Variants in FOXP4 observed in about 807,000 individuals in gnomAD.
The protein encoded by FOXP4 is forkhead box P4, also known as forkhead box protein P4.
A neutral mutation model predicts 82.6 loss-of-function variants in FOXP4; 25 were observed. The ratio of observed to expected loss-of-function variants is 0.30; its 90% CI spans 0.22 to 0.42. The LOEUF is 0.42. Among genes scored for constraint, FOXP4 ranks in the 10% least tolerant of loss-of-function variants. The pLI is 1.00. For missense variants in FOXP4, 785 were observed against 900.9 expected (o/e 0.87, Z 1.65); for synonymous variants, 415 against 388.2 (o/e 1.07, Z -0.81).
In FOXP4 at chr6:41,557,636, C is replaced by T. The variant is rs372036502; in HGVS notation, c.-16-8109C>T. ...ATAGTAAGTGGTGAGTGGAAAAAGACGAAAATTGAAACCATGTATAGATTA... is the reference window on the plus strand; with the variant it reads ...ATAGTAAGTGGTGAGTGGAAAAAGATGAAAATTGAAACCATGTATAGATTA... On this transcript the variant is annotated intron_variant, in intron 1 of 16. Transcript: ENST00000307972. Among the ~76,000 whole-genome samples the T allele has an allele frequency of 6.6e-5, 10 of 152,128 alleles. No homozygotes were observed. The South Asian group carries it at 1.2e-3, about 19-fold the overall frequency.
chr6:41,598,774 A>G lies in FOXP4; in HGVS notation c.1896-15A>G. 1 of 1,553,006 alleles carries G rather than the reference A, an allele frequency of 6.4e-7. No homozygotes were observed. The highest frequency in any genetic ancestry group is 8.7e-7 in the Non-Finnish European group (1 of 1,148,590). On this transcript the variant is annotated splice_polypyrimidine_tract_variant and intron_variant, in intron 16 of 16. Coordinates refer to ENST00000307972, the MANE Select transcript of FOXP4 (RefSeq NM_001012426.2). ...AGGACAGCCGCCTGGTGCCCATGCC[A>G]TACTTTTGCCTCAGCCACCAGGTGC...
chr6:41,564,358 G>A (rs1197880720), intron 1 of FOXP4, among the ~76,000 whole-genome samples: 1 of 152,236 alleles, frequency 6.6e-6, no homozygotes, highest in Non-Finnish European at 1.5e-5. Flanking sequence ...GACGGAGGTT[G>A]CAGGGAGCCG....
At chr6:41,576,565 C>G (rs986646141) in intron 2 of FOXP4, among the ~76,000 whole-genome samples, 1 of 152,082 alleles carries the variant, frequency 6.6e-6, no homozygotes, top group Admixed American at 6.6e-5. Flanking sequence ...CAGGCGGGCG[C>G]ATTTCGTCTA....
chr6:41,576,856 G>A (rs1171797363), intron 2 of FOXP4, among the ~76,000 whole-genome samples: 1 of 152,178 alleles, frequency 6.6e-6, no homozygotes, highest in Non-Finnish European at 1.5e-5. Flanking sequence ...TAAGGTTGGA[G>A]CCCTGTGTCA....
At chr6:41,582,992 G>C (rs771131729) in intron 3 of FOXP4, among the ~76,000 whole-genome samples, 2 of 152,114 alleles carry the variant, frequency 1.3e-5, no homozygotes, top group Non-Finnish European at 2.9e-5. Flanking sequence ...GACTTTCCTG[G>C]TCTCCTCATT....
chr6:41,555,673 G>A (rs922844891), intron 1 of FOXP4, among the ~76,000 whole-genome samples: 5 of 152,182 alleles, frequency 3.3e-5, no homozygotes, highest in African/African-American at 4.8e-5. Context: ...TTAATTAGCC[G>A]TCTCTGATTA....
chr6:41,586,930 G>C, intron 5 of FOXP4, 79 bp from the exon 6 acceptor site: 11 of 1,480,138 alleles, frequency 7.4e-6, no homozygotes, highest in Non-Finnish European at 8.0e-6. Context: ...GGGAGGGGGT[G>C]GCCGCGGGGT....
chr6:41,599,019 T>G lies in FOXP4; in HGVS notation c.*83T>G. ...CCATCTCCCCCAACTCCACAGCCCCTCCCGAGCCTCAAGGCAAGTCCAGGA... is the reference window on the plus strand; with the variant it reads ...CCATCTCCCCCAACTCCACAGCCCCGCCCGAGCCTCAAGGCAAGTCCAGGA... On this transcript the variant is annotated 3_prime_UTR_variant, in exon 17 of 17. Transcript: ENST00000307972. 1 of 1,447,164 alleles carries G rather than the reference T, an allele frequency of 6.9e-7. No individual in the cohort carries two copies. 89.6% of individuals were successfully genotyped at this position (1,447,164 alleles called of 1,614,324 possible).
chr6:41,567,424 G>A (rs540541584), intron 2 of FOXP4, among the ~76,000 whole-genome samples: 12 of 152,336 alleles, frequency 7.9e-5, no homozygotes, highest in South Asian at 2.1e-4. Context: ...TCCTAAGCAC[G>A]TTCTCTGGGG....
intron 2 of FOXP4, among the ~76,000 whole-genome samples, chr6:41,567,214 C>T (rs923007355): frequency 1.3e-5 from 2 of 152,190 alleles, no homozygotes; most frequent in Non-Finnish European, 2.9e-5. Context: ...CTCCTTGGCA[C>T]CTAAAGTACA....
intron 1 of FOXP4, among the ~76,000 whole-genome samples, chr6:41,561,078 C>T (rs774777653): frequency 2.8e-4 from 43 of 152,224 alleles, no homozygotes; most frequent in Non-Finnish European, 5.0e-4. Flanking sequence ...CAGGAGCCTC[C>T]GGGGAAGTGG....
chr6:41,574,818 A>G (rs1765385275), intron 2 of FOXP4, among the ~76,000 whole-genome samples: 1 of 152,148 alleles, frequency 6.6e-6, no homozygotes, highest in Non-Finnish European at 1.5e-5. Flanking sequence ...CGCCCTTCAG[A>G]TGGCGAGACT....
intron 2 of FOXP4, among the ~76,000 whole-genome samples, chr6:41,566,561 T>C (rs929107479): frequency 6.6e-6 from 1 of 152,120 alleles, no homozygotes; most frequent in African/African-American, 2.4e-5. Flanking sequence ...CACCCTAAAG[T>C]GCAGAGTTCG....
rs572657313 is a variant in FOXP4, at chr6:41,601,055, G to A, written c.*2119G>A. 2 of 152,394 alleles carry A rather than the reference G, an allele frequency of 1.3e-5. No homozygotes were observed. The highest frequency in any genetic ancestry group is 4.1e-4 in the South Asian group (2 of 4,824). 9.4% of individuals were successfully genotyped at this position (152,394 alleles called of 1,614,324 possible). On this transcript the variant is annotated 3_prime_UTR_variant, in exon 17 of 17. Transcript: ENST00000307972. ...GAGACATCCACACCCATTCCCAGGT[G>A]TCCTTCCAGGCCCATTGTCCACGTC...
rs550703831 is a variant in FOXP4 at position 41,587,012 on chromosome 6, C to T, written c.514C>T (p.Leu172=). The T allele has an allele frequency of 2.5e-6, 4 of 1,587,700 alleles. No individual in the cohort carries two copies. The East Asian group carries it at 9.0e-5, about 36-fold the overall frequency. The change falls in exon 6 of 17, where the codon CTG becomes TTG. Residue 172 remains leucine (L), a synonymous_variant. Coordinates refer to ENST00000307972, the MANE Select transcript of FOXP4 (RefSeq NM_001012426.2). ...QAGKPQPKEA[L]GNKQLAFQQQ... ...GCCCCCTCGGGCCCCTCACCAGGCA[C>T]TGGGGAACAAGCAGCTGGCCTTCCA...
chr6:41,597,167 G>C lies in FOXP4; in HGVS notation c.1659-9G>C. On this transcript the variant is annotated splice_polypyrimidine_tract_variant and intron_variant, in intron 14 of 16. Coordinates refer to ENST00000307972, the MANE Select transcript of FOXP4 (RefSeq NM_001012426.2). ...GAGTGAGCCAAAGATGGCCTTCTCT[G>C]TCCTCCAGGAGCCCCACCCTGGTGA... 1 of 1,614,094 alleles carries C rather than the reference G, an allele frequency of 6.2e-7. No homozygotes were observed. The highest frequency in any genetic ancestry group is 8.5e-7 in the Non-Finnish European group (1 of 1,179,942).
At chr6:41,553,372 T>C (rs4714481) in intron 1 of FOXP4, among the ~76,000 whole-genome samples, 52,336 of 152,084 alleles carry the variant, frequency 0.34, 9,500 homozygotes, top group African/African-American at 0.46. Flanking sequence ...GGCCCTTGTG[T>C]GCCGCCATCC....
chr6:41,565,825 G>A lies in FOXP4; in HGVS notation c.65G>A (p.Ser22Asn). 3.7e-6 allele frequency: 6 copies of A among 1,613,868 alleles called. No individual in the cohort carries two copies. The highest frequency in any genetic ancestry group is 5.1e-6 in the Non-Finnish European group (6 of 1,179,986). ...CCATCTGGTCAGAATGGCGTGGGCA[G>A]CCTCTCTGGGCAAGCCGATGGCAGC... is the stretch of plus-strand genomic sequence containing the variant. ...SAPSGQNGVG[S>N]LSGQADGSSG... Residue 22 changes from serine (S) to asparagine (N), a missense_variant, in exon 2 of 17, where the codon AGC becomes AAC. By Grantham distance (46) the Ser-to-Asn change is conservative (BLOSUM62 1). Transcript: ENST00000307972.
chr6:41,549,891 A>G (rs558790294), intron 1 of FOXP4, among the ~76,000 whole-genome samples: 1 of 152,260 alleles, frequency 6.6e-6, no homozygotes, highest in South Asian at 2.1e-4. Flanking sequence ...CTCTCCAGCC[A>G]CAGTGCAAGC....
Sources: allele counts gnomAD v4.1 joint callset (sites outside exome capture counted in the v4.1 genomes callset), GRCh38; gene constraint gnomAD v4.1.1; transcripts MANE v1.5; gene names NCBI Gene and HGNC (gene_info 2026-07-23, HGNC 2026-07-21).